The following SPATS2L variants were observed in gnomAD, a reference collection of about 807,000 sequenced individuals.
SPATS2L encodes SPATS2-like protein.
A neutral mutation model predicts 59.6 loss-of-function variants in SPATS2L; 30 were observed. The ratio of observed to expected loss-of-function variants is 0.50; its 90% CI spans 0.38 to 0.68. SPATS2L has a LOEUF of 0.68. Ranked by LOEUF, SPATS2L falls within the 30% of genes least tolerant of loss-of-function variation. The pLI, the probability that SPATS2L is intolerant of heterozygous loss-of-function variation, is 0.00. For synonymous variants in SPATS2L, 252 were observed against 263.5 expected, an observed-to-expected ratio of 0.96 and a Z score of 0.42; for missense variants, 615 against 700.0, an observed-to-expected ratio of 0.88 and a Z score of 1.37.
intron 3 of SPATS2L, among the ~76,000 whole-genome samples, chr2:200,405,138 G>A (rs2082650967): frequency 6.6e-6 from 1 of 152,146 alleles, no homozygotes; most frequent in African/African-American, 2.4e-5. Context: ...CCCTGGACAA[G>A]CAGCATTTAC....
At chr2:200,353,284 G>A (rs980396672) in intron 2 of SPATS2L, among the ~76,000 whole-genome samples, 7 of 152,154 alleles carry the variant, frequency 4.6e-5, no homozygotes, top group South Asian at 4.1e-4. Context: ...TGATCGCTGC[G>A]TTGAAATTTG....
chr2:200,439,801 T>A (rs748256623), intron 7 of SPATS2L, among the ~76,000 whole-genome samples: 2 of 152,232 alleles, frequency 1.3e-5, no homozygotes, highest in Non-Finnish European at 2.9e-5. Flanking sequence ...TTACACACAA[T>A]GTAACATTGA....
chr2:200,402,094 T>C (rs2082546922), intron 3 of SPATS2L, among the ~76,000 whole-genome samples: 1 of 152,202 alleles, frequency 6.6e-6, no homozygotes, highest in Non-Finnish European at 1.5e-5. Flanking sequence ...CCCAAGAAAT[T>C]TGTGAGTCTT....
intron 6 of SPATS2L, 137 bp from the exon 7 acceptor site, chr2:200,438,985 A>G (rs2084497570): frequency 3.0e-6 from 2 of 665,036 alleles, no homozygotes; most frequent in African/African-American, 3.6e-5. Context: ...CTTTTAAAAC[A>G]GTTTCTTGAC....
chr2:200,337,931 T>C (rs1346140221), intron 2 of SPATS2L, among the ~76,000 whole-genome samples: 1 of 152,250 alleles, frequency 6.6e-6, no homozygotes, highest in Non-Finnish European at 1.5e-5. Flanking sequence ...TCAATTAGTA[T>C]TTGTTGAATG....
intron 3 of SPATS2L, among the ~76,000 whole-genome samples, chr2:200,409,015 C>A (rs768531401): frequency 6.6e-6 from 1 of 152,214 alleles, no homozygotes; most frequent in African/African-American, 2.4e-5. Flanking sequence ...CAACAGCGGC[C>A]GCCTGGTGGG....
chr2:200,348,326 T>C (rs1363556151), intron 2 of SPATS2L, among the ~76,000 whole-genome samples: 1 of 152,224 alleles, frequency 6.6e-6, no homozygotes, highest in Non-Finnish European at 1.5e-5. Context: ...TGTTGAGACA[T>C]GGTAAACAAC....
chr2:200,362,454 C>T (rs2081138439), intron 2 of SPATS2L, among the ~76,000 whole-genome samples: 1 of 152,182 alleles, frequency 6.6e-6, no homozygotes, highest in Admixed American at 6.5e-5. Flanking sequence ...TACATTGTGG[C>T]TTCCATTTCA....
At chr2:200,436,381 A>AAGACATACATGCATGTC (rs901710624) in intron 6 of SPATS2L, among the ~76,000 whole-genome samples, 5 of 152,200 alleles carry the variant, frequency 3.3e-5, no homozygotes, top group African/African-American at 7.2e-5. Context: ...AATGATGAAC[A>AAGACATACATGCATGTC]AGACATACAT....
intron 8 of SPATS2L, 86 bp from the exon 9 acceptor site, chr2:200,459,683 A>G: frequency 9.6e-7 from 1 of 1,040,390 alleles, no homozygotes. Context: ...TTGTTTAATG[A>G]AAATAATTTT....
At chr2:200,462,842 C>T (rs2086333646) in intron 9 of SPATS2L, among the ~76,000 whole-genome samples, 1 of 152,106 alleles carries the variant, frequency 6.6e-6, no homozygotes. Flanking sequence ...GGGAGAATCA[C>T]TTGAACTCAG....
At chr2:200,336,954 GTCTT>G (rs1179486582) in intron 2 of SPATS2L, among the ~76,000 whole-genome samples, 4 of 152,118 alleles carry the variant, frequency 2.6e-5, no homozygotes, top group Non-Finnish European at 5.9e-5. Flanking sequence ...AAAAGAAAAT[GTCTT>G]TCTTAGAGAA....
chr2:200,468,810 A>C (rs961434710), intron 10 of SPATS2L, among the ~76,000 whole-genome samples: 4 of 152,210 alleles, frequency 2.6e-5, no homozygotes, highest in Admixed American at 2.0e-4. Flanking sequence ...ATATGTTCCA[A>C]CTTCCATCTC....
chr2:200,456,859 T>C (rs1023077661), intron 8 of SPATS2L, among the ~76,000 whole-genome samples: 1 of 152,192 alleles, frequency 6.6e-6, no homozygotes, highest in African/African-American at 2.4e-5. Flanking sequence ...TTCTAGTTGA[T>C]TCAGGGAAGG....
At chr2:200,391,165 A>T (rs887734499) in intron 3 of SPATS2L, among the ~76,000 whole-genome samples, 5 of 152,158 alleles carry the variant, frequency 3.3e-5, no homozygotes, top group African/African-American at 1.2e-4. Context: ...GTCTCAAAAA[A>T]CAAACAAACA....
intron 2 of SPATS2L, among the ~76,000 whole-genome samples, chr2:200,385,579 G>A (rs2081963933): frequency 6.6e-6 from 1 of 152,150 alleles, no homozygotes; most frequent in African/African-American, 2.4e-5. Flanking sequence ...GGAGGGTGCA[G>A]ACACTCAACG....
intron 5 of SPATS2L, among the ~76,000 whole-genome samples, chr2:200,418,213 C>T (rs62279301): frequency 0.12 from 17,809 of 152,018 alleles, 1,149 homozygotes; most frequent in Middle Eastern, 0.13. Flanking sequence ...GGGGCTTTCT[C>T]ACCGGAAAAG....
chr2:200,479,122 C>T lies in SPATS2L; in HGVS notation c.*1091C>T, dbSNP rs1032210674. Reference sequence around the variant, plus strand: ...TTCACCATGTTGTCCAGGCTGGTCTCAAACCCCTGACCTCAGGTGATCCAC... The same window carrying T: ...TTCACCATGTTGTCCAGGCTGGTCTTAAACCCCTGACCTCAGGTGATCCAC... On this transcript the variant is annotated 3_prime_UTR_variant, in exon 13 of 13. Coordinates refer to ENST00000409140, the MANE Select transcript of SPATS2L (RefSeq NM_001100423.2). 1 of 154,266 alleles carries T rather than the reference C, an allele frequency of 6.5e-6. No individual in the cohort carries two copies. Among genetic ancestry groups the T allele is most frequent in the African/African-American group, 2.4e-5 (1 of 41,548 alleles). 9.6% of individuals were successfully genotyped at this position (154,266 alleles called of 1,614,324 possible).
intron 9 of SPATS2L, among the ~76,000 whole-genome samples, chr2:200,462,792 GGCATGTGCCCATAGTTCTA>G (rs2086329573): frequency 6.6e-6 from 1 of 152,132 alleles, no homozygotes; most frequent in Non-Finnish European, 1.5e-5. Flanking sequence ...CACGTGTGGT[GGCATGTGCCCATAGTTCTA>G]GCTATTCTAG....
Sources: allele counts gnomAD v4.1 joint callset (sites outside exome capture counted in the v4.1 genomes callset), GRCh38; gene constraint gnomAD v4.1.1; transcripts MANE v1.5; gene names NCBI Gene and HGNC (gene_info 2026-07-23, HGNC 2026-07-21).